The following NAE1 variants were observed in gnomAD, a reference collection of about 807,000 sequenced individuals.
The protein encoded by NAE1 is NEDD8-activating enzyme E1 regulatory subunit.
NAE1 carries 59 observed loss-of-function variants against 88.0 expected under a neutral mutation model. The ratio of observed to expected loss-of-function variants is 0.67; its 90% CI spans 0.54 to 0.83. The LOEUF is 0.83. Among genes scored for constraint, NAE1 ranks in the 40% least tolerant of loss-of-function variants. NAE1 has a pLI of 0.00. For synonymous variants in NAE1, 186 were observed against 208.9 expected (o/e 0.89, Z 0.95); for missense variants, 554 against 632.8 (o/e 0.88, Z 1.34).
chr16:66,820,818 G>A (rs985367678), intron 7 of NAE1, among the ~76,000 whole-genome samples: 8 of 150,886 alleles, frequency 5.3e-5, no homozygotes, highest in East Asian at 3.9e-4. Flanking sequence ...GGAGAATGGC[G>A]TGAACCCGGG....
At chr16:66,809,682 G>A (rs1009174979) in intron 15 of NAE1, among the ~76,000 whole-genome samples, 1 of 152,036 alleles carries the variant, frequency 6.6e-6, no homozygotes, top group African/African-American at 2.4e-5. Flanking sequence ...GATTAGTAGT[G>A]GCAGAAAACA....
At chr16:66,826,465 C>A in intron 3 of NAE1, 58 bp downstream of exon 3, 1 of 1,537,846 alleles carries the variant, frequency 6.5e-7, no homozygotes, top group Non-Finnish European at 9.0e-7. Context: ...GGAGGTGAAG[C>A]TAAGACTCAG....
chr16:66,819,939 T>C (rs1960187290), intron 7 of NAE1, among the ~76,000 whole-genome samples: 1 of 152,198 alleles, frequency 6.6e-6, no homozygotes, highest in East Asian at 1.9e-4. Context: ...CTAACAGCAA[T>C]CACTGCCTCC....
intron 11 of NAE1, among the ~76,000 whole-genome samples, chr16:66,815,147 A>G (rs1467697336): frequency 1.3e-5 from 2 of 152,156 alleles, no homozygotes; most frequent in African/African-American, 2.4e-5. Context: ...TTTTGTTCAC[A>G]GCACCTGGTG....
intron 9 of NAE1, 108 bp from the exon 10 acceptor site, chr16:66,817,136 ATT>A (rs1335793398): frequency 7.2e-7 from 1 of 1,384,344 alleles, no homozygotes; most frequent in East Asian, 2.6e-5. Context: ...CAACAAATAT[ATT>A]TCTCTGTGAA....
intron 16 of NAE1, 96 bp from the exon 17 acceptor site, chr16:66,808,709 T>C: frequency 1.1e-6 from 1 of 899,392 alleles, no homozygotes; most frequent in Non-Finnish European, 1.8e-6. Flanking sequence ...TTCAGGACTA[T>C]TAACTGGAGT....
In NAE1 at chr16:66,818,508, A is replaced by G. The variant is rs369437162; in HGVS notation, c.621+20T>C. ...TGTTTTAAGTCTATCTGTAAATGTA[A>G]GGTCACACACACTACCAACCTTTTT... On this transcript the variant is annotated intron_variant, in intron 8 of 19. Transcript: ENST00000290810. 30 of 1,571,706 alleles carry G rather than the reference A, an allele frequency of 1.9e-5. No individual in the cohort carries two copies. The highest frequency in any genetic ancestry group is 1.0e-5 in the Non-Finnish European group (12 of 1,156,238).
At chr16:66,829,226 G>A (rs769268613) in intron 1 of NAE1, among the ~76,000 whole-genome samples, 1 of 152,138 alleles carries the variant, frequency 6.6e-6, no homozygotes, top group Non-Finnish European at 1.5e-5. Context: ...ACCCTCTTTT[G>A]TTAGAGTTGC....
chr16:66,830,923 C>T lies in NAE1; in HGVS notation c.-24G>A. 1 of 1,521,248 alleles carries T rather than the reference C, an allele frequency of 6.6e-7. No homozygotes were observed. The highest frequency in any genetic ancestry group is 2.7e-5 in the East Asian group (1 of 37,096). The allele number at this position is 1,521,248 out of a possible 1,614,324, so 94.2% of individuals were successfully genotyped here. On this transcript the variant is annotated 5_prime_UTR_variant, in exon 1 of 20. Coordinates refer to ENST00000290810, the MANE Select transcript of NAE1 (RefSeq NM_003905.4). ...ATGGCCGCGCCTGCCGCGCGGAAAACAGCCGAGCCCCTGCGGAGCGCCGCC... is the reference window on the plus strand; with the variant it reads ...ATGGCCGCGCCTGCCGCGCGGAAAATAGCCGAGCCCCTGCGGAGCGCCGCC...
At chr16:66,804,523 C>T (rs1395513548) in intron 19 of NAE1, among the ~76,000 whole-genome samples, 2 of 152,178 alleles carry the variant, frequency 1.3e-5, no homozygotes, top group Non-Finnish European at 2.9e-5. Flanking sequence ...ATTTTGAACA[C>T]TTCAAATATT....
At chr16:66,819,378 C>A (rs953633942) in intron 7 of NAE1, among the ~76,000 whole-genome samples, 4 of 152,210 alleles carry the variant, frequency 2.6e-5, no homozygotes, top group Non-Finnish European at 5.9e-5. Flanking sequence ...TCACTCTGTA[C>A]ACTGCTCTCC....
intron 3 of NAE1, among the ~76,000 whole-genome samples, 164 bp from the exon 4 acceptor site, chr16:66,825,049 A>C (rs200208624): frequency 6.6e-6 from 1 of 152,252 alleles, no homozygotes. Flanking sequence ...GGAACTTATA[A>C]AGAAAGATAG....
rs1160992262 is a variant in NAE1 at position 66,818,650 on chromosome 16, G to T, written c.512-13C>A. The T allele has an allele frequency of 1.3e-6, 2 of 1,573,162 alleles. No individual in the cohort carries two copies. The highest frequency in any genetic ancestry group is 1.4e-5 in the African/African-American group (1 of 71,950). On this transcript the variant is annotated splice_polypyrimidine_tract_variant and intron_variant, in intron 7 of 19. Transcript: ENST00000290810. ...TGAGATTCTATTACTGTGAAACAAA[G>T]AATTCAAAAGGATAAATTTAACACT...
intron 16 of NAE1, 50 bp from the exon 17 acceptor site, chr16:66,808,663 A>G (rs1475372173): frequency 7.5e-7 from 1 of 1,335,688 alleles, no homozygotes; most frequent in African/African-American, 1.4e-5. Flanking sequence ...GCAATGTAAC[A>G]AACAATGAAG....
chr16:66,803,721 G>GCTGGGATTACAGATGCCTGCCACCACAC (rs1959447220), intron 19 of NAE1, among the ~76,000 whole-genome samples: 1 of 151,920 alleles, frequency 6.6e-6, no homozygotes, highest in African/African-American at 2.4e-5. Context: ...CTCCCAAGTA[G>GCTGGGATTACAGATGCCTGCCACCACAC]CTGGGATTAC....
chr16:66,805,527 T>C (rs1014560632), intron 19 of NAE1: 13 of 368,402 alleles, frequency 3.5e-5, no homozygotes, highest in African/African-American at 2.4e-4. Flanking sequence ...TAGTCCCAGC[T>C]ATTCAGGAGG....
chr16:66,828,273 CT>C (rs1960544945), intron 1 of NAE1: 1 of 428,392 alleles, frequency 2.3e-6, no homozygotes, highest in South Asian at 2.7e-5. Flanking sequence ...GGCAGATCAC[CT>C]GAGGTCAGGA....
At position 66,802,969 on chromosome 16, in the gene NAE1, G is replaced by T; in HGVS notation, c.*40C>A. 7.8e-7 allele frequency: 1 copy of T among 1,281,418 alleles called. No homozygotes were observed. The highest frequency in any genetic ancestry group is 1.2e-5 in the South Asian group (1 of 83,418). The allele number at this position is 1,281,418 out of a possible 1,614,324, so 79.4% of individuals were successfully genotyped here. A position where few individuals can be genotyped will look rare whatever the true frequency, so the allele number is the denominator to read the frequency against. On this transcript the variant is annotated 3_prime_UTR_variant, in exon 20 of 20. Transcript: ENST00000290810. ...AAAGCACAACCCGAAGGCAATTACA[G>T]TTTCAATCATTAACACACTACTTAA...
chr16:66,814,155 T>C (rs780925294), intron 11 of NAE1, among the ~76,000 whole-genome samples: 2 of 152,200 alleles, frequency 1.3e-5, no homozygotes, highest in African/African-American at 2.4e-5. Context: ...AAACAGATTA[T>C]AGACTCGCAG....
Sources: allele counts gnomAD v4.1 joint callset (sites outside exome capture counted in the v4.1 genomes callset), GRCh38; gene constraint gnomAD v4.1.1; transcripts MANE v1.5; gene names NCBI Gene and HGNC (gene_info 2026-07-23, HGNC 2026-07-21).